The following GLB1L2 variants were observed in gnomAD, a reference collection of about 807,000 sequenced individuals.
The protein encoded by GLB1L2 is beta-galactosidase-1-like protein 2.
A neutral mutation model predicts 84.1 loss-of-function variants in GLB1L2; 68 were observed. The ratio of observed to expected loss-of-function variants is 0.81; its 90% confidence interval spans 0.67 to 0.99. The LOEUF is 0.99. Among genes scored for constraint, GLB1L2 ranks in the 50% least tolerant of loss-of-function variants. GLB1L2 has a pLI of 0.00. For missense variants in GLB1L2, 762 were observed against 805.6 expected, an observed-to-expected ratio of 0.95 and a Z score of 0.66; for synonymous variants, 290 against 318.0, an observed-to-expected ratio of 0.91 and a Z score of 0.94.
At chr11:134,342,703 T>G in intron 1 of GLB1L2, 51 bp from the exon 2 acceptor site, 1 of 1,554,220 alleles carries the variant, frequency 6.4e-7, no homozygotes, top group Non-Finnish European at 8.8e-7. Context: ...AGGAAGCCGA[T>G]CTCTCTGCGG....
chr11:134,339,375 G>A lies in GLB1L2; in HGVS notation c.87-3379G>A, dbSNP rs542120561. 1.3e-5 allele frequency among the ~76,000 whole-genome samples: 2 copies of A among 152,260 alleles called. No individual in the cohort carries two copies. Among genetic ancestry groups the A allele is most frequent in the East Asian group, 3.9e-4 (2 of 5,172 alleles). On this transcript the variant is annotated intron_variant, in intron 1 of 18. Coordinates refer to ENST00000535456, the MANE Select transcript of GLB1L2 (RefSeq NM_001370461.1). This position sits in a 1 kb window ranked among gnomAD's most constrained non-coding sequence, Gnocchi z 5.7. ...TACATGATGCTTCGTTGTTTATGAA[G>A]CTGTAACTCGCATGGTCTCATTTAC...
Position 134,374,126 on chromosome 11 carries a change from C to G in GLB1L2, c.1596-19C>G. The stretch of plus-strand genomic sequence containing the variant: ...TGAGAAGGGCCTCCTCCCTCTCCTT[C>G]TCTGTGTTCTGTCCTTAGGTTCGGC... On this transcript the variant is annotated intron_variant, in intron 16 of 18. Transcript: ENST00000535456. 1 of 1,568,008 alleles carries G rather than the reference C, an allele frequency of 6.4e-7. No individual in the cohort carries two copies. The highest frequency in any genetic ancestry group is 8.8e-7 in the Non-Finnish European group (1 of 1,138,224).
Position 134,342,920 on chromosome 11 carries a change from A to G in GLB1L2, c.253A>G (p.Met85Val). The change falls in exon 2 of 19, where the codon ATG becomes GTG. Residue 85 changes from methionine (M) to valine (V), a missense_variant. Around this residue, in one of 3 missense-constraint regions of GLB1L2, gnomAD observed 59 missense variants for 105.1 expected, o/e 0.56. Transcript: ENST00000535456. Reference protein sequence around the residue: ...REYWRDRLLKMKACGLNTLTT... With the variant: ...REYWRDRLLKVKACGLNTLTT... Reference sequence around the variant, plus strand: ...GTACTGGAGGGACCGCCTGCTGAAGATGAAGGCCTGTGGCTTGAACACCCT... The same window carrying G: ...GTACTGGAGGGACCGCCTGCTGAAGGTGAAGGCCTGTGGCTTGAACACCCT... The G allele has an allele frequency of 6.2e-7, 1 of 1,613,806 alleles. No individual in the cohort carries two copies. The highest frequency in any genetic ancestry group is 8.5e-7 in the Non-Finnish European group (1 of 1,179,844).
intron 1 of GLB1L2, 63 bp from the exon 2 acceptor site, chr11:134,342,691 C>A: frequency 6.6e-7 from 1 of 1,506,162 alleles, no homozygotes; most frequent in Admixed American, 1.9e-5. Flanking sequence ...TGCGAAGGGG[C>A]GAGGAAGCCG....
intron 5 of GLB1L2, among the ~76,000 whole-genome samples, chr11:134,352,583 C>T (rs1222265949): frequency 6.6e-6 from 1 of 150,910 alleles, no homozygotes; most frequent in Non-Finnish European, 1.5e-5. Context: ...TAAAATTTCC[C>T]TCTTTGCACT....
intron 1 of GLB1L2, among the ~76,000 whole-genome samples, chr11:134,340,198 G>A (rs1943441514): frequency 6.6e-6 from 1 of 152,178 alleles, no homozygotes; most frequent in Non-Finnish European, 1.5e-5. Context: ...TGCTTTTGAA[G>A]TTCTGGCTGG....
At position 134,370,340 on chromosome 11, in the gene GLB1L2, G is replaced by A. The variant is rs746407023; in HGVS notation, c.1156G>A (p.Glu386Lys). 5.6e-6 allele frequency: 9 copies of A among 1,613,868 alleles called. No individual in the cohort carries two copies. The highest frequency in any genetic ancestry group is 7.6e-6 in the Non-Finnish European group (9 of 1,180,006). ...TGACCTTCTTCCCAAGATGCCGTAT[G>A]AGCCCTTAACGCCAGTCTTGTACCT... ...PPDLLPKMPYEPLTPVLYLSL... is the reference protein window; with the variant it reads ...PPDLLPKMPYKPLTPVLYLSL... Residue 386 changes from glutamate to lysine, a missense_variant, in exon 12 of 19, where the codon GAG becomes AAG. Around this residue, in one of 3 missense-constraint regions of GLB1L2, gnomAD observed 603 missense variants for 611.7 expected, o/e 0.99. Coordinates refer to ENST00000535456, the MANE Select transcript of GLB1L2 (RefSeq NM_001370461.1). The surrounding 1 kb of genome is among the most constrained non-coding windows in gnomAD (Gnocchi z 4.7).
chr11:134,336,577 C>T (rs111521449), intron 1 of GLB1L2, among the ~76,000 whole-genome samples: 185 of 152,198 alleles, frequency 1.2e-3, no homozygotes, highest in African/African-American at 4.4e-3. Flanking sequence ...AATTGCTGAC[C>T]GTAGGATAGA....
At chr11:134,347,868 A>G (rs561597827) in intron 5 of GLB1L2, among the ~76,000 whole-genome samples, 71 of 152,336 alleles carry the variant, frequency 4.7e-4, no homozygotes, top group African/African-American at 1.7e-3. Context: ...TTTGCCTATA[A>G]GACTGCAGGA....
At chr11:134,341,910 G>A (rs1943468104) in intron 1 of GLB1L2, among the ~76,000 whole-genome samples, 1 of 121,540 alleles carries the variant, frequency 8.2e-6, no homozygotes, top group Non-Finnish European at 1.7e-5. Context: ...GCGAGCGCCG[G>A]TGGGGACGAA....
chr11:134,351,335 C>T (rs57483073), intron 5 of GLB1L2, among the ~76,000 whole-genome samples: 3,540 of 138,702 alleles, frequency 0.026, 147 homozygotes, highest in African/African-American at 0.088. Flanking sequence ...TTGATTGATT[C>T]TTTTTCTTTC....
rs964811156 is a variant in GLB1L2 at position 134,369,812 on chromosome 11, T to G, written c.1035T>G (p.Asp345Glu). The G allele has an allele frequency of 6.2e-7, 1 of 1,612,990 alleles. No homozygotes were observed. The highest frequency in any genetic ancestry group is 1.7e-4 in the Middle Eastern group (1 of 6,058). Residue 345 changes from aspartate (D) to glutamate (E), a missense_variant, in exon 11 of 19, where the codon GAT becomes GAG. This residue lies in a region of GLB1L2 where 603 missense variants were observed against 611.7 expected (regional missense o/e 0.99). Transcript: ENST00000535456. ...YKSDVTSYDY[D>E]AVLTEAGDYT... Reference sequence around the variant, plus strand: ...GGGCCCGGTGTCTTGCAGACTATGATGCTGTGCTGACAGAAGCCGGCGATT... The same window carrying G: ...GGGCCCGGTGTCTTGCAGACTATGAGGCTGTGCTGACAGAAGCCGGCGATT...
intron 14 of GLB1L2, 35 bp downstream of exon 14, chr11:134,371,527 C>A: frequency 7.7e-7 from 1 of 1,301,976 alleles, no homozygotes; most frequent in Non-Finnish European, 1.1e-6. Context: ...GATGGCTAGC[C>A]CCCGCTGCTT....
chr11:134,341,810 C>A (rs1943466137), intron 1 of GLB1L2, among the ~76,000 whole-genome samples: 1 of 152,332 alleles, frequency 6.6e-6, no homozygotes, highest in Non-Finnish European at 1.5e-5. Flanking sequence ...TGGGCCCTCT[C>A]GCTTGTTCCC....
intron 8 of GLB1L2, chr11:134,366,946 G>C: frequency 2.6e-6 from 1 of 380,022 alleles, no homozygotes; most frequent in Non-Finnish European, 4.9e-6. Flanking sequence ...GACAGGCAAA[G>C]CTTGGCTTGA....
chr11:134,348,349 G>A (rs935807508), intron 5 of GLB1L2, among the ~76,000 whole-genome samples: 2 of 151,838 alleles, frequency 1.3e-5, no homozygotes, highest in East Asian at 1.9e-4. Context: ...TACTAAATCC[G>A]GCAGCCTTAA....
At position 134,371,811 on chromosome 11, in the gene GLB1L2, T is replaced by C. The variant is rs1458495342; in HGVS notation, c.1488T>C (p.Asn496=). 2 of 1,614,026 alleles carry C rather than the reference T, an allele frequency of 1.2e-6. No homozygotes were observed. Among genetic ancestry groups the C allele is most frequent in the African/African-American group, 2.7e-5 (2 of 75,008 alleles). Residue 496 remains asparagine, a synonymous_variant, in exon 15 of 19, where the codon AAT becomes AAC. Transcript: ENST00000535456. ...ENRGRVNYGE[N]IDDQRKGLIG... is the part of the protein sequence containing the mutation. ...GTGGGCGAGTCAACTATGGGGAGAA[T>C]ATTGATGACCAGCGCAAAGGTGGGT... is the stretch of plus-strand genomic sequence containing the variant.
chr11:134,361,478 G>A (rs1334919620), intron 7 of GLB1L2: 1 of 152,390 alleles, frequency 6.6e-6, no homozygotes, highest in Non-Finnish European at 1.5e-5. Flanking sequence ...CGTGGGTGAT[G>A]CCCTGCACAG....
Position 134,376,314 on chromosome 11 carries a change from C to T in GLB1L2, c.*1256C>T, listed in dbSNP as rs1944023309. The stretch of plus-strand genomic sequence containing the variant: ...TCCTGAGTTGCAGTAAAGCTATAAC[C>T]TTGAATCACACCCCCTCTGGTGATA... On this transcript the variant is annotated 3_prime_UTR_variant, in exon 19 of 19. Transcript: ENST00000535456. 6.6e-6 allele frequency: 1 copy of T among 152,334 alleles called. No individual in the cohort carries two copies. The highest frequency in any genetic ancestry group is 1.5e-5 in the Non-Finnish European group (1 of 68,090). The allele number at this position is 152,334 out of a possible 1,614,324, so 9.4% of individuals were successfully genotyped here. A position where few individuals can be genotyped will look rare whatever the true frequency, so the allele number is the denominator to read the frequency against.
Sources: gnomAD v4.1 joint callset for allele counts (sites outside exome capture counted in the v4.1 genomes callset) on GRCh38, gnomAD v4.1.1 for gene constraint, gnomAD v4.1.1 regional missense constraint, Gnocchi (gnomAD v3.1) non-coding constraint, MANE v1.5 for transcripts, NCBI Gene and HGNC (gene_info 2026-07-23, HGNC 2026-07-21) for gene names.